RARB: variants seen among roughly 807,000 people sequenced by gnomAD.
The protein encoded by RARB is HBV-activated protein.
RARB carries 17 observed loss-of-function variants against 51.9 expected under a neutral mutation model. The observed-to-expected ratio is 0.33, with a 90% confidence interval of 0.22 to 0.49. The LOEUF is 0.49. RARB is among the 20% of genes least tolerant of loss of function. RARB has a pLI of 0.99. For missense variants in RARB, 369 were observed against 550.8 expected (o/e 0.67, Z 3.30); for synonymous variants, 215 against 195.4 (o/e 1.10, Z -0.84).
intron 2 of RARB, among the ~76,000 whole-genome samples, chr3:25,471,557 GGC>G (rs891499731): frequency 3.3e-5 from 5 of 149,936 alleles, no homozygotes; most frequent in African/African-American, 1.2e-4. Context: ...GGAAGTTGGG[GGC>G]GGGGGGAGTG....
At chr3:25,574,595 G>A (rs747046282) in intron 4 of RARB, among the ~76,000 whole-genome samples, 1 of 152,204 alleles carries the variant, frequency 6.6e-6, no homozygotes, top group Admixed American at 6.5e-5. Context: ...CTGCTCTGCC[G>A]TGTGCGGGCC....
chr3:25,382,364 G>A (rs975977667), intron 5 of RARB, among the ~76,000 whole-genome samples: 1 of 151,922 alleles, frequency 6.6e-6, no homozygotes, highest in African/African-American at 2.4e-5. Context: ...ATACTCTTTA[G>A]GGCAAATCAC....
At chr3:25,184,119 CA>C (rs1185054686) in intron 5 of RARB, among the ~76,000 whole-genome samples, 1 of 149,174 alleles carries the variant, frequency 6.7e-6, no homozygotes, top group African/African-American at 2.5e-5. Context: ...TGAAAATCTA[CA>C]AATACAGAGT....
chr3:25,190,155 A>G (rs1482183159), intron 5 of RARB, among the ~76,000 whole-genome samples: 2 of 151,742 alleles, frequency 1.3e-5, no homozygotes, highest in Admixed American at 6.6e-5. Context: ...AAATCATAGT[A>G]TCTAGAACTT....
chr3:24,893,329 T>C (rs1461875704), intron 2 of RARB, among the ~76,000 whole-genome samples: 1 of 152,184 alleles, frequency 6.6e-6, no homozygotes, highest in South Asian at 2.1e-4. Context: ...ATCTCAAAAT[T>C]GAGGAATAAA....
intron 1 of RARB, among the ~76,000 whole-genome samples, chr3:25,429,278 T>C (rs554151647): frequency 3.3e-5 from 5 of 152,350 alleles, no homozygotes; most frequent in South Asian, 4.1e-4. Context: ...AATTTAACTT[T>C]GCTGTTCTTT....
At chr3:24,842,135 C>T (rs1702427754) in intron 1 of RARB, among the ~76,000 whole-genome samples, 4 of 152,152 alleles carry the variant, frequency 2.6e-5, no homozygotes, top group Admixed American at 2.6e-4. Context: ...AGACTGAGAA[C>T]TGCCCAAGAC....
intron 3 of RARB, among the ~76,000 whole-genome samples, chr3:25,131,994 A>G (rs1575174970): frequency 6.6e-6 from 1 of 151,940 alleles, no homozygotes; most frequent in East Asian, 1.9e-4. Flanking sequence ...AAGAAAATAA[A>G]AAGCAGGAGT....
At chr3:25,188,178 C>A (rs1171363304) in intron 5 of RARB, among the ~76,000 whole-genome samples, 1 of 151,968 alleles carries the variant, frequency 6.6e-6, no homozygotes, top group Admixed American at 6.6e-5. Context: ...TATTAATAGT[C>A]TTCATTTCTG....
chr3:24,925,959 C>T (rs1695311912), intron 2 of RARB, among the ~76,000 whole-genome samples: 1 of 152,052 alleles, frequency 6.6e-6, no homozygotes, highest in Non-Finnish European at 1.5e-5. Flanking sequence ...TTGATGTCTG[C>T]TATCTCAAGG....
chr3:25,403,886 T>TAAAAAAAAAAAAAAAAAAA (rs546197894), intron 5 of RARB, among the ~76,000 whole-genome samples: 10 of 88,366 alleles, frequency 1.1e-4, no homozygotes, highest in African/African-American at 4.3e-4. Context: ...TTTCTTTTTC[T>TAAAAAAAAAAAAAAAAAAA]AAAAAAAAAA....
At chr3:25,020,524 G>A (rs1038144450) in intron 2 of RARB, 1 of 152,050 alleles carries the variant, frequency 6.6e-6, no homozygotes, top group African/African-American at 2.4e-5. Flanking sequence ...AATCCTGTTT[G>A]GAGAAAGCAA....
chr3:24,874,898 TAA>T (rs35378207), intron 2 of RARB, among the ~76,000 whole-genome samples: 14 of 152,084 alleles, frequency 9.2e-5, no homozygotes, highest in Admixed American at 9.2e-4. Flanking sequence ...TCTACTACAC[TAA>T]AAGTTATACG....
chr3:25,333,287 C>T (rs1029170678), intron 5 of RARB, among the ~76,000 whole-genome samples: 1 of 152,172 alleles, frequency 6.6e-6, no homozygotes, highest in Admixed American at 6.5e-5. Flanking sequence ...TACTACAAGG[C>T]TACAGTAACC....
intron 2 of RARB, among the ~76,000 whole-genome samples, chr3:25,018,607 C>T (rs907775231): frequency 2.0e-5 from 3 of 152,084 alleles, no homozygotes; most frequent in Non-Finnish European, 4.4e-5. Context: ...AAACCGAGCC[C>T]ATATGAGCAG....
chr3:25,101,012 C>T (rs540233291), intron 3 of RARB, among the ~76,000 whole-genome samples: 46 of 152,256 alleles, frequency 3.0e-4, no homozygotes, highest in Non-Finnish European at 5.7e-4. Context: ...ATTTACCTTG[C>T]ACAGGTAACA....
chr3:24,869,801 C>A (rs1055266671), intron 2 of RARB, among the ~76,000 whole-genome samples: 4 of 152,066 alleles, frequency 2.6e-5, no homozygotes, highest in African/African-American at 4.8e-5. Flanking sequence ...TAGCAACACT[C>A]TTGAATTTTG....
chr3:25,024,617 A>G (rs1031554497), intron 2 of RARB, among the ~76,000 whole-genome samples: 12 of 152,192 alleles, frequency 7.9e-5, no homozygotes, highest in Non-Finnish European at 1.8e-4. Flanking sequence ...CTAGAAAGCC[A>G]TTAGACAGTT....
intron 5 of RARB, among the ~76,000 whole-genome samples, chr3:25,234,366 C>G (rs1702254259): frequency 6.6e-6 from 1 of 152,124 alleles, no homozygotes; most frequent in Non-Finnish European, 1.5e-5. Context: ...GTGATATCCT[C>G]TCTTTTATTC....
Sources: gnomAD v4.1 joint callset for allele counts (sites outside exome capture counted in the v4.1 genomes callset) on GRCh38, gnomAD v4.1.1 for gene constraint, MANE v1.5 for transcripts, NCBI Gene and HGNC (gene_info 2026-07-23, HGNC 2026-07-21) for gene names.